ANKRD44: variants seen among roughly 807,000 people sequenced by gnomAD.
ANKRD44 encodes serine/threonine-protein phosphatase 6 regulatory ankyrin repeat subunit B.
In ANKRD44, 35 loss-of-function variants were observed where a neutral mutation model predicts 116.0. The ratio of observed to expected loss-of-function variants is 0.30; its 90% CI spans 0.23 to 0.40. The LOEUF (loss-of-function observed/expected upper bound fraction) is 0.40, where lower values mean the gene tolerates loss of function less well. ANKRD44 is among the 10% of genes least tolerant of loss of function. ANKRD44 has a pLI of 1.00. For synonymous variants in ANKRD44, 435 were observed against 461.8 expected, an observed-to-expected ratio of 0.94 and a Z score of 0.74; for missense variants, 1,014 against 1,242.6, an observed-to-expected ratio of 0.82 and a Z score of 2.77.
chr2:197,118,661 AAG>A (rs2078778015), intron 8 of ANKRD44, among the ~76,000 whole-genome samples: 1 of 151,546 alleles, frequency 6.6e-6, no homozygotes. Flanking sequence ...GAAAGAAAGA[AAG>A]AAAGAAAGAA....
intron 1 of ANKRD44, among the ~76,000 whole-genome samples, chr2:197,304,360 T>C (rs1441328147): frequency 1.3e-5 from 2 of 152,140 alleles, no homozygotes; most frequent in African/African-American, 2.4e-5. Flanking sequence ...TCTTAGATTA[T>C]CTATGAATTG....
intron 1 of ANKRD44, among the ~76,000 whole-genome samples, chr2:197,198,244 C>T (rs1271897622): frequency 6.6e-6 from 1 of 152,068 alleles, no homozygotes; most frequent in African/African-American, 2.4e-5. Flanking sequence ...GTCTTGAATA[C>T]CAAGCTAAGA....
At chr2:197,117,112 C>A (rs2078728793) in intron 8 of ANKRD44, among the ~76,000 whole-genome samples, 1 of 152,118 alleles carries the variant, frequency 6.6e-6, no homozygotes, top group African/African-American at 2.4e-5. Context: ...TATATAGATA[C>A]TAAAAGTCAA....
intron 1 of ANKRD44, among the ~76,000 whole-genome samples, chr2:197,208,179 C>T (rs901366382): frequency 6.6e-6 from 1 of 152,146 alleles, no homozygotes; most frequent in Non-Finnish European, 1.5e-5. Context: ...AAAACAAAAG[C>T]GTGACCTCAA....
Position 197,212,251 on chromosome 2 carries a change from C to G in ANKRD44, c.28-25145G>C, listed in dbSNP as rs181238297. Among the ~76,000 whole-genome samples, 136 of 152,232 alleles carry G rather than the reference C, an allele frequency of 8.9e-4. No individual in the cohort carries two copies. Among genetic ancestry groups the G allele is most frequent in the African/African-American group, 3.1e-3 (128 of 41,548 alleles). ...AGTGGGAGCACACTGGCACCAAACA[C>G]GAAAGTCATCTGGCCTCTGAAACTG... On this transcript the variant is annotated intron_variant, in intron 1 of 27. Coordinates refer to ENST00000282272, the MANE Select transcript of ANKRD44 (RefSeq NM_001195144.2). The surrounding 1 kb of genome is among the most constrained non-coding windows in gnomAD (Gnocchi z 4.8).
chr2:197,053,343 A>G (rs528445581), intron 16 of ANKRD44, among the ~76,000 whole-genome samples: 1 of 152,288 alleles, frequency 6.6e-6, no homozygotes, highest in African/African-American at 2.4e-5. Context: ...TTCTTTTTAT[A>G]TTTCTATGAT....
At chr2:197,189,241 T>C (rs939271275) in intron 1 of ANKRD44, among the ~76,000 whole-genome samples, 1 of 152,208 alleles carries the variant, frequency 6.6e-6, no homozygotes, top group Non-Finnish European at 1.5e-5. Context: ...AATTTGTCCA[T>C]GGGTTTCTCC....
rs915427697 is a variant in ANKRD44, at chr2:197,099,951, C to T, written c.986-21G>A. ...ACCTCCTGAAAGAGATATTTTAATA[C>T]AGGATAACGCAAGGATTCAGGTTGA... On this transcript the variant is annotated intron_variant, in intron 9 of 27. Transcript: ENST00000282272. 5.0e-6 allele frequency: 8 copies of T among 1,607,980 alleles called. No homozygotes were observed. The African/African-American group carries it at 1.1e-4, about 21-fold the overall frequency.
At chr2:197,049,143 T>G (rs2077058502) in intron 16 of ANKRD44, among the ~76,000 whole-genome samples, 1 of 152,218 alleles carries the variant, frequency 6.6e-6, no homozygotes, top group Admixed American at 6.5e-5. Context: ...CTGTTCACTC[T>G]GATGGTAGTT....
chr2:197,272,984 A>G (rs2082942329), intron 1 of ANKRD44, among the ~76,000 whole-genome samples: 1 of 152,240 alleles, frequency 6.6e-6, no homozygotes, highest in South Asian at 2.1e-4. Context: ...GTTGACATCA[A>G]GTTAGGTCTT....
intron 11 of ANKRD44, among the ~76,000 whole-genome samples, chr2:197,089,385 G>A (rs1168499305): frequency 6.6e-6 from 1 of 152,158 alleles, no homozygotes; most frequent in Admixed American, 6.5e-5. Flanking sequence ...ATATATGACA[G>A]TTGGCAGAGG....
chr2:197,152,097 G>A (rs948998071), intron 2 of ANKRD44, among the ~76,000 whole-genome samples: 3 of 152,190 alleles, frequency 2.0e-5, no homozygotes, highest in African/African-American at 7.2e-5. Context: ...TATCTTACAG[G>A]CTGGCTCAGG....
chr2:197,241,162 A>C (rs1574341310), intron 1 of ANKRD44, among the ~76,000 whole-genome samples: 2 of 152,308 alleles, frequency 1.3e-5, no homozygotes, highest in Admixed American at 6.5e-5. Flanking sequence ...TCCTATAACC[A>C]GAATAGACTC....
At chr2:197,238,088 T>C (rs1376353410) in intron 1 of ANKRD44, among the ~76,000 whole-genome samples, 1 of 152,254 alleles carries the variant, frequency 6.6e-6, no homozygotes, top group Non-Finnish European at 1.5e-5. Flanking sequence ...TCTTCCGTTG[T>C]ATGTGTTCTG....
chr2:196,971,286 C>A (rs1264608812), intron 21 of ANKRD44, among the ~76,000 whole-genome samples: 1 of 152,176 alleles, frequency 6.6e-6, no homozygotes, highest in Non-Finnish European at 1.5e-5. Flanking sequence ...AGATTACAAC[C>A]ATAAACATTT....
At chr2:196,991,920 CCAAT>C (rs918251921) in intron 27 of ANKRD44, among the ~76,000 whole-genome samples, 4 of 152,132 alleles carry the variant, frequency 2.6e-5, no homozygotes, top group African/African-American at 9.7e-5. Context: ...TGGCCACTCA[CCAAT>C]CAAAGTCTCA....
intron 10 of ANKRD44, among the ~76,000 whole-genome samples, chr2:197,090,789 G>A (rs762787528): frequency 3.3e-5 from 5 of 152,142 alleles, no homozygotes; most frequent in African/African-American, 4.8e-5. Flanking sequence ...ATGGCTGAAC[G>A]TCAGAGAGAA....
downstream of ANKRD44, among the ~76,000 whole-genome samples, chr2:196,982,524 C>T (rs1226607778): frequency 1.3e-5 from 2 of 152,160 alleles, no homozygotes; most frequent in African/African-American, 2.4e-5. Context: ...TCCAAATCAA[C>T]TTTCACATGT....
chr2:197,227,602 A>G (rs1213951383), intron 1 of ANKRD44, among the ~76,000 whole-genome samples: 1 of 29,924 alleles, frequency 3.3e-5, no homozygotes, highest in African/African-American at 3.2e-4. Context: ...TTGTTTTACC[A>G]AAAAAAACAA....
Sources: allele counts gnomAD v4.1 joint callset (sites outside exome capture counted in the v4.1 genomes callset), GRCh38; gene constraint gnomAD v4.1.1; non-coding constraint Gnocchi (gnomAD v3.1); transcripts MANE v1.5; gene names NCBI Gene and HGNC (gene_info 2026-07-23, HGNC 2026-07-21).